The following ZNF570 variants were observed in gnomAD, a reference collection of about 807,000 sequenced individuals.
The protein encoded by ZNF570 is zinc finger protein 570.
A neutral mutation model predicts 14.2 loss-of-function variants in ZNF570; 8 were observed. The observed-to-expected ratio is 0.56, with a 90% CI of 0.33 to 1.02. The LOEUF (loss-of-function observed/expected upper bound fraction) is 1.02, where lower values mean the gene tolerates loss of function less well. Ranked by LOEUF, ZNF570 falls within the 50% of genes least tolerant of loss-of-function variation. The pLI is 0.03. For synonymous variants in ZNF570, 202 were observed against 207.6 expected (o/e 0.97, Z 0.23); for missense variants, 559 against 624.9 (o/e 0.89, Z 1.12).
At position 37,488,243 on chromosome 19, in the gene ZNF570, A is replaced by G. The variant is rs983576470; in HGVS notation, c.*3010A>G. 1 of 152,216 alleles carries G rather than the reference A, an allele frequency of 6.6e-6. No homozygotes were observed. Among genetic ancestry groups the G allele is most frequent in the Admixed American group, 6.5e-5 (1 of 15,274 alleles). 9.4% of individuals were successfully genotyped at this position (152,216 alleles called of 1,614,324 possible). Reference sequence around the variant, plus strand: ...AGAATGCAAACTAAAATGAATAACTAGAGATATTTCTGTCAACATGGGTAA... The same window carrying G: ...AGAATGCAAACTAAAATGAATAACTGGAGATATTTCTGTCAACATGGGTAA... On this transcript the variant is annotated 3_prime_UTR_variant, in exon 5 of 5. Coordinates refer to ENST00000330173, the MANE Select transcript of ZNF570 (RefSeq NM_144694.5).
chr19:37,469,712 CG>C, intron 1 of ZNF570, 155 bp downstream of exon 1: 2 of 781,042 alleles, frequency 2.6e-6, no homozygotes, highest in East Asian at 5.5e-5. Context: ...CCGATACCCG[CG>C]GCTTCTTTGT....
At chr19:37,473,728 C>T (rs2041994989) in intron 2 of ZNF570, among the ~76,000 whole-genome samples, 2 of 151,850 alleles carry the variant, frequency 1.3e-5, no homozygotes, top group South Asian at 2.1e-4. Flanking sequence ...AACTAAGAGG[C>T]GAGGTTGTGG....
chr19:37,472,742 CAA>C (rs34301870), intron 2 of ZNF570, among the ~76,000 whole-genome samples: 23 of 102,876 alleles, frequency 2.2e-4, no homozygotes, highest in Non-Finnish European at 2.1e-4. Flanking sequence ...AACTTTGTCT[CAA>C]AAAAAAAAAA....
At position 37,469,417 on chromosome 19, in the gene ZNF570, G is replaced by C; in HGVS notation, c.-192G>C. On this transcript the variant is annotated 5_prime_UTR_variant, in exon 1 of 5. Transcript: ENST00000330173. ...AACTAAGGGTAGCGGTGAGACCCGA[G>C]TGCAGATTCCCCGAGCCTTCGGGGC... 5 of 1,530,550 alleles carry C rather than the reference G, an allele frequency of 3.3e-6. No homozygotes were observed. The South Asian group carries it at 6.0e-5, about 18-fold the overall frequency. The allele number at this position is 1,530,550 out of a possible 1,614,324, so 94.8% of individuals were successfully genotyped here. A position where few individuals can be genotyped will look rare whatever the true frequency, so the allele number is the denominator to read the frequency against.
intron 4 of ZNF570, among the ~76,000 whole-genome samples, chr19:37,483,227 T>C (rs750956327): frequency 2.6e-5 from 4 of 152,186 alleles, no homozygotes; most frequent in Non-Finnish European, 5.9e-5. Flanking sequence ...TTGAACCAGC[T>C]GCTGCCTCTT....
chr19:37,483,303 G>C (rs749495034), intron 4 of ZNF570, among the ~76,000 whole-genome samples: 6 of 152,004 alleles, frequency 3.9e-5, no homozygotes, highest in Non-Finnish European at 4.4e-5. Flanking sequence ...TCAAATCTTT[G>C]CTTAAATGTT....
chr19:37,484,661 C>G lies in ZNF570; in HGVS notation c.1039C>G (p.Gln347Glu), dbSNP rs753897052. The change falls in exon 5 of 5, where the codon CAA (glutamine) becomes GAA (glutamate). Residue 347 changes from glutamine to glutamate, a missense_variant. Gln to Glu is a conservative substitution (Grantham distance 29). Transcript: ENST00000330173. ...ATTTAGCAACAGATCATCCATTGCT[C>G]AACACCAGAGAGTTCATACAGGAGA... ...KAFSNRSSIA[Q>E]HQRVHTGEKP... 1 of 1,613,886 alleles carries G rather than the reference C, an allele frequency of 6.2e-7. No individual in the cohort carries two copies. Among genetic ancestry groups the G allele is most frequent in the Non-Finnish European group, 8.5e-7 (1 of 1,179,970 alleles).
chr19:37,476,474 C>G (rs374859327), intron 4 of ZNF570, 40 bp downstream of exon 4: 53 of 1,595,016 alleles, frequency 3.3e-5, no homozygotes, highest in Non-Finnish European at 4.3e-5. Flanking sequence ...TTGCACGTGA[C>G]AGCTCAGCTT....
At chr19:37,470,105 C>A in intron 1 of ZNF570, 199 bp from the exon 2 acceptor site, 3 of 508,652 alleles carry the variant, frequency 5.9e-6, no homozygotes, top group South Asian at 2.9e-5. Flanking sequence ...CCTAGAACAT[C>A]TGTTGTTAAC....
chr19:37,474,862 A>G (rs2042005873), intron 2 of ZNF570, among the ~76,000 whole-genome samples: 1 of 152,140 alleles, frequency 6.6e-6, no homozygotes, highest in Non-Finnish European at 1.5e-5. Context: ...TAATACATAC[A>G]CATATAATGT....
chr19:37,470,890 G>A (rs986653969), intron 2 of ZNF570, among the ~76,000 whole-genome samples: 1 of 151,294 alleles, frequency 6.6e-6, no homozygotes, highest in Non-Finnish European at 1.5e-5. Flanking sequence ...AGTAGAGACG[G>A]GGTTTCACCA....
In ZNF570 at chr19:37,485,391, TC is replaced by T; in HGVS notation, c.*159del. 4.5e-6 allele frequency: 3 copies of T among 673,682 alleles called. No homozygotes were observed. The South Asian group carries it at 1.0e-4, about 23-fold the overall frequency. The allele number at this position is 673,682 out of a possible 1,614,324, so 41.7% of individuals were successfully genotyped here. A position where few individuals can be genotyped will look rare whatever the true frequency, so the allele number is the denominator to read the frequency against. ...TTTAAATCCATTTCCCACAATGCAC[TC>T]AAACGGATCTTTTTTTTCTTTTTTT... On this transcript the variant is annotated 3_prime_UTR_variant, in exon 5 of 5. Coordinates refer to ENST00000330173, the MANE Select transcript of ZNF570 (RefSeq NM_144694.5).
In ZNF570 at chr19:37,476,329, G is replaced by A. The variant is rs774571206; in HGVS notation, c.161-10G>A. On this transcript the variant is annotated splice_polypyrimidine_tract_variant and intron_variant, in intron 3 of 4. Transcript: ENST00000330173. Reference sequence around the variant, plus strand: ...TGACAAAACTCTACTTTTTTTTTTCGTATTTGCAGGACTTTGCTTTTCCAA... The same window carrying A: ...TGACAAAACTCTACTTTTTTTTTTCATATTTGCAGGACTTTGCTTTTCCAA... The A allele has an allele frequency of 3.1e-5, 49 of 1,592,838 alleles. No individual in the cohort carries two copies. The highest frequency in any genetic ancestry group is 2.9e-4 in the South Asian group (25 of 87,408).
At chr19:37,476,814 A>G (rs962870106) in intron 4 of ZNF570, among the ~76,000 whole-genome samples, 2 of 150,244 alleles carry the variant, frequency 1.3e-5, no homozygotes, top group African/African-American at 2.5e-5. Flanking sequence ...GGTTCAAGCA[A>G]TTCTCCTGAT....
chr19:37,481,426 T>C (rs1020707018), intron 4 of ZNF570, among the ~76,000 whole-genome samples: 6 of 152,238 alleles, frequency 3.9e-5, no homozygotes, highest in Non-Finnish European at 5.9e-5. Flanking sequence ...GTGCTGGGAT[T>C]ACAGGCGTGA....
chr19:37,475,599 G>T (rs922700374), intron 2 of ZNF570, among the ~76,000 whole-genome samples: 4 of 152,132 alleles, frequency 2.6e-5, no homozygotes, highest in Non-Finnish European at 5.9e-5. Context: ...CTGCCCTCAT[G>T]GAGCTTAAAT....
At chr19:37,471,933 G>A (rs1035703107) in intron 2 of ZNF570, among the ~76,000 whole-genome samples, 48 of 68,596 alleles carry the variant, frequency 7.0e-4, no homozygotes, top group East Asian at 5.4e-3. Context: ...TTTTTTTTTT[G>A]AGATGGAGTC....
Position 37,485,375 on chromosome 19 carries a change from A to G in ZNF570, c.*142A>G. 2.6e-6 allele frequency: 2 copies of G among 761,228 alleles called. No homozygotes were observed. Among genetic ancestry groups the G allele is most frequent in the Non-Finnish European group, 3.9e-6 (2 of 517,020 alleles). 47.2% of individuals were successfully genotyped at this position (761,228 alleles called of 1,614,324 possible). On this transcript the variant is annotated 3_prime_UTR_variant, in exon 5 of 5. Coordinates refer to ENST00000330173, the MANE Select transcript of ZNF570 (RefSeq NM_144694.5). ...ATTTATTTTTGCTACCTTTAAATCC[A>G]TTTCCCACAATGCACTCAAACGGAT...
upstream of ZNF570, chr19:37,468,014 TG>T: frequency 7.5e-7 from 1 of 1,330,494 alleles, no homozygotes; most frequent in Non-Finnish European, 1.0e-6. Flanking sequence ...TAAACAGACT[TG>T]GCCTTACTAG....
Sources: allele counts gnomAD v4.1 joint callset (sites outside exome capture counted in the v4.1 genomes callset), GRCh38; gene constraint gnomAD v4.1.1; transcripts MANE v1.5; gene names NCBI Gene and HGNC (gene_info 2026-07-23, HGNC 2026-07-21).